The following LRP2 variants were observed in gnomAD, a reference collection of about 807,000 sequenced individuals.
The protein encoded by LRP2 is LDL receptor related protein 2.
In LRP2, 172 loss-of-function variants were observed where a neutral mutation model predicts 531.0. That is an observed-to-expected ratio of 0.32 (90% CI 0.29 to 0.37). The LOEUF (loss-of-function observed/expected upper bound fraction) is 0.37, where lower values mean the gene tolerates loss of function less well. Ranked by LOEUF, LRP2 falls within the 10% of genes least tolerant of loss-of-function variation. The pLI is 1.00. For synonymous variants in LRP2, 1,992 were observed against 2,027.6 expected (o/e 0.98, Z 0.47); for missense variants, 5,167 against 5,868.3 (o/e 0.88, Z 3.90).
chr2:169,290,804 A>G, intron 8 of LRP2, 41 bp downstream of exon 8: 1 of 1,605,358 alleles, frequency 6.2e-7, no homozygotes, highest in Non-Finnish European at 8.5e-7. Context: ...AAACAGAAAT[A>G]TCTTTATCTG....
intron 1 of LRP2, among the ~76,000 whole-genome samples, chr2:169,329,754 C>A (rs1266119511): frequency 1.3e-5 from 2 of 152,156 alleles, no homozygotes; most frequent in Admixed American, 6.5e-5. Context: ...GCAGCCCCTC[C>A]AGCTGCCCCA....
Position 169,266,815 on chromosome 2 carries a change from C to T in LRP2, c.2320+4089G>A, listed in dbSNP as rs902416213. Among the ~76,000 whole-genome samples the T allele has an allele frequency of 2.0e-5, 3 of 151,520 alleles. No homozygotes were observed. In the South Asian group the frequency reaches 6.3e-4, roughly 32 times the overall value. On this transcript the variant is annotated intron_variant, in intron 16 of 78. Coordinates refer to ENST00000649046, the MANE Select transcript of LRP2 (RefSeq NM_004525.3). ...GTCTAGTCAATTAATCTGTTAATGG[C>T]TCTCATACACGTGACATTTCTTTTA...
intron 60 of LRP2, among the ~76,000 whole-genome samples, chr2:169,169,381 G>A (rs892672710): frequency 5.3e-5 from 8 of 152,118 alleles, no homozygotes; most frequent in Non-Finnish European, 1.2e-4. Flanking sequence ...TAATGTATTC[G>A]TTGCTTGAAT....
At chr2:169,217,063 C>G (rs16856618) in intron 34 of LRP2, among the ~76,000 whole-genome samples, 2,694 of 152,094 alleles carry the variant, frequency 0.018, 81 homozygotes, top group African/African-American at 0.059. Context: ...TACACATGAA[C>G]CATAATTACC....
At chr2:169,280,548 C>T (rs763217788) in intron 10 of LRP2, 29 bp from the exon 11 acceptor site, 5 of 1,607,568 alleles carry the variant, frequency 3.1e-6, no homozygotes, top group Non-Finnish European at 4.3e-6. Context: ...GGCATCACCA[C>T]TCCTTCAGAT....
At chr2:169,258,957 G>T (rs1690422062) in intron 17 of LRP2, 68 bp downstream of exon 17, 2 of 1,322,296 alleles carry the variant, frequency 1.5e-6, no homozygotes, top group African/African-American at 1.5e-5. Context: ...AATCCCTAGG[G>T]CATCACTTTT....
rs147325537 is a variant in LRP2, at chr2:169,130,098, C to T, written c.13729-1014G>A. ...AACATGAAGACATTCAGGTCAGAGC[C>T]CTGCCTCTGGGCGCTTACAGTTAAG... On this transcript the variant is annotated intron_variant, in intron 77 of 78. Transcript: ENST00000649046. Among the ~76,000 whole-genome samples, 750 of 152,282 alleles carry T rather than the reference C, an allele frequency of 4.9e-3. 7 individuals carry two copies. The highest frequency in any genetic ancestry group is 0.017 in the African/African-American group (708 of 41,550).
chr2:169,335,473 TA>T (rs1410923060), intron 1 of LRP2, among the ~76,000 whole-genome samples: 9 of 152,156 alleles, frequency 5.9e-5, no homozygotes, highest in Non-Finnish European at 1.0e-4. Context: ...ATTAAGGACA[TA>T]AAGAAATTGA....
intron 19 of LRP2, among the ~76,000 whole-genome samples, chr2:169,255,672 T>C (rs1010301002): frequency 1.3e-5 from 2 of 152,182 alleles, no homozygotes; most frequent in Non-Finnish European, 1.5e-5. Flanking sequence ...GTAATCGTTT[T>C]TTCCACAAGG....
At chr2:169,284,196 C>G in intron 9 of LRP2, among the ~76,000 whole-genome samples, 1 of 151,372 alleles carries the variant, frequency 6.6e-6, no homozygotes, top group East Asian at 1.9e-4. Flanking sequence ...GGTGGCCCAC[C>G]ATTCCATAAC....
At chr2:169,334,488 T>A (rs1271997886) in intron 1 of LRP2, among the ~76,000 whole-genome samples, 1 of 152,186 alleles carries the variant, frequency 6.6e-6, no homozygotes, top group African/African-American at 2.4e-5. Flanking sequence ...ATGAGTGAGC[T>A]AATATGCAGA....
In LRP2 at chr2:169,201,654, T is replaced by C. The variant is rs191087468; in HGVS notation, c.8426A>G (p.Asn2809Ser). 5.0e-6 allele frequency: 8 copies of C among 1,614,230 alleles called. No homozygotes were observed. Among genetic ancestry groups the C allele is most frequent in the Non-Finnish European group, 5.9e-6 (7 of 1,180,030 alleles). The change falls in exon 44 of 79, where the codon AAT becomes AGT. Residue 2809 changes from asparagine to serine, a missense_variant. Around this residue, in one of 6 missense-constraint regions of LRP2, gnomAD observed 1,129 missense variants for 1,362.7 expected, o/e 0.83. Transcript: ENST00000649046. ...ICNGVDNCHD[N>S]NTSDEKNCPD... ...GCAATTTTTCTCATCTGAAGTGTTA[T>C]TATCATGGCAGTTGTCTACACCATT... is the stretch of plus-strand genomic sequence containing the variant.
At chr2:169,292,623 G>T (rs1295805105) in intron 6 of LRP2, among the ~76,000 whole-genome samples, 1 of 151,962 alleles carries the variant, frequency 6.6e-6, no homozygotes, top group Non-Finnish European at 1.5e-5. Context: ...AATTAGATCA[G>T]CCTGGGCAAC....
At chr2:169,225,124 T>TA (rs1426574798) in intron 33 of LRP2, among the ~76,000 whole-genome samples, 186 bp downstream of exon 33, 1 of 151,798 alleles carries the variant, frequency 6.6e-6, no homozygotes, top group Non-Finnish European at 1.5e-5. Flanking sequence ...AAAATAAATT[T>TA]AAAAAAAATT....
At chr2:169,173,330 C>A in intron 56 of LRP2, 106 bp from the exon 57 acceptor site, 1 of 1,378,272 alleles carries the variant, frequency 7.3e-7, no homozygotes, top group Non-Finnish European at 1.0e-6. Flanking sequence ...ACCATGTTAC[C>A]AAGCAAACCG....
Position 169,246,772 on chromosome 2 carries a change from A to G in LRP2, c.3123T>C (p.Asn1041=), listed in dbSNP as rs1028631475. 8.1e-6 allele frequency: 13 copies of G among 1,614,088 alleles called. 1 individual carries two copies. The Admixed American group carries it at 2.0e-4, about 25-fold the overall frequency. ...CATCGACTCCATCACAGAGATAGTA[A>G]TTGGGCACACATCTGCCATTTTTAC... ...FPCKNGRCVP[N]YYLCDGVDDC... The change falls in exon 21 of 79, where the codon AAT becomes AAC. Residue 1041 remains asparagine, a synonymous_variant. Transcript: ENST00000649046.
rs1172954254 is a variant in LRP2 at position 169,271,004 on chromosome 2, A to C, written c.2220T>G (p.Pro740=). 1.2e-6 allele frequency: 2 copies of C among 1,613,288 alleles called. No individual in the cohort carries two copies. Among genetic ancestry groups the C allele is most frequent in the Non-Finnish European group, 1.7e-6 (2 of 1,179,612 alleles). ...CAAAATCAATCCCGACAAAGAAAGA[A>C]GGATTCCCCGAAACTGGAACCATGA... ...EDVMVPVSGN[P]SFFVGIDFDA... is the part of the protein sequence containing the mutation. Residue 740 remains proline (P), a synonymous_variant, in exon 16 of 79, where the codon CCT becomes CCG. Transcript: ENST00000649046.
In LRP2 at chr2:169,266,321, A is replaced by G. The variant is rs1257270478; in HGVS notation, c.2320+4583T>C. 3.3e-5 allele frequency among the ~76,000 whole-genome samples: 5 copies of G among 152,038 alleles called. No individual in the cohort carries two copies. In the East Asian group the frequency reaches 9.7e-4, roughly 29 times the overall value. ...AGCATTTAGAAACATGGAGACAAACAAAAGAAGAAATAGTCAAAAGAGCTG... is the reference window on the plus strand; with the variant it reads ...AGCATTTAGAAACATGGAGACAAACGAAAGAAGAAATAGTCAAAAGAGCTG... On this transcript the variant is annotated intron_variant, in intron 16 of 78. Coordinates refer to ENST00000649046, the MANE Select transcript of LRP2 (RefSeq NM_004525.3).
intron 3 of LRP2, among the ~76,000 whole-genome samples, chr2:169,311,388 T>A (rs1053659830): frequency 6.6e-6 from 1 of 152,240 alleles, no homozygotes; most frequent in South Asian, 2.1e-4. Context: ...CCAGAGATTC[T>A]GGTATGTTGT....
Sources: gnomAD v4.1 joint callset for allele counts (sites outside exome capture counted in the v4.1 genomes callset) on GRCh38, gnomAD v4.1.1 for gene constraint, gnomAD v4.1.1 regional missense constraint, MANE v1.5 for transcripts, NCBI Gene and HGNC (gene_info 2026-07-23, HGNC 2026-07-21) for gene names.